The following EPB41L4A variants were observed in gnomAD, a reference collection of about 807,000 sequenced individuals.
The protein encoded by EPB41L4A is erythrocyte membrane protein band 4.1 like 4A.
Under a neutral mutation model 108.6 loss-of-function variants are expected in EPB41L4A, and 100 were observed. The ratio of observed to expected loss-of-function variants is 0.92; its 90% CI spans 0.78 to 1.09. The LOEUF (loss-of-function observed/expected upper bound fraction) is 1.09. Ranked by LOEUF, EPB41L4A falls within the 50% of genes least tolerant of loss-of-function variation. EPB41L4A has a pLI of 0.00. For missense variants in EPB41L4A, 1,030 were observed against 842.7 expected, an observed-to-expected ratio of 1.22 and a Z score of -2.75; for synonymous variants, 319 against 289.0, an observed-to-expected ratio of 1.10 and a Z score of -1.05.
intron 1 of EPB41L4A, among the ~76,000 whole-genome samples, chr5:112,328,618 T>A (rs1370900123): frequency 2.0e-5 from 3 of 152,240 alleles, no homozygotes; most frequent in Non-Finnish European, 4.4e-5. Context: ...TCAAGCTCAC[T>A]GATTTAAAAC....
At chr5:112,146,448 T>G (rs1000525751) in intron 12 of EPB41L4A, among the ~76,000 whole-genome samples, 2 of 152,206 alleles carry the variant, frequency 1.3e-5, no homozygotes, top group African/African-American at 4.8e-5. Context: ...GAGCAGAGGA[T>G]CTTCCAACGC....
rs773192789 is a variant in EPB41L4A at position 112,239,732 on chromosome 5, G to A, written c.893C>T (p.Pro298Leu). 3 of 1,605,388 alleles carry A rather than the reference G, an allele frequency of 1.9e-6. No homozygotes were observed. The highest frequency in any genetic ancestry group is 1.1e-5 in the South Asian group (1 of 90,024). ...SVEHHTFFRM[P>L]ENESNSLSRK... The stretch of plus-strand genomic sequence containing the variant: ...TGACAGTGAATTGGATTCATTTTCT[G>A]GCATTCTAATCAATTTTTAAAAGAA... The change falls in exon 11 of 23, where the codon CCA becomes CTA. Residue 298 changes from proline to leucine, a missense_variant. By Grantham distance (98) the Pro-to-Leu change is moderately conservative. Coordinates refer to ENST00000261486, the MANE Select transcript of EPB41L4A (RefSeq NM_022140.5).
chr5:112,185,874 C>T (rs1173026865), intron 17 of EPB41L4A, among the ~76,000 whole-genome samples: 1 of 152,056 alleles, frequency 6.6e-6, no homozygotes, highest in Non-Finnish European at 1.5e-5. Flanking sequence ...TTTTTGTAGC[C>T]AGAACCTACA....
chr5:112,361,420 C>A (rs1320424046), intron 1 of EPB41L4A, among the ~76,000 whole-genome samples: 1 of 151,988 alleles, frequency 6.6e-6, no homozygotes, highest in East Asian at 1.9e-4. Context: ...AAACCAGAGA[C>A]CTTTGTTCAC....
intron 12 of EPB41L4A, 70 bp from the exon 13 acceptor site, chr5:112,210,052 A>T (rs1762661574): frequency 1.0e-6 from 1 of 955,856 alleles, no homozygotes; most frequent in Middle Eastern, 2.3e-4. Context: ...GAAACAGAAG[A>T]CTTATTTTAA....
At chr5:112,319,159 G>A (rs1561567709) in intron 1 of EPB41L4A, among the ~76,000 whole-genome samples, 1 of 152,146 alleles carries the variant, frequency 6.6e-6, no homozygotes, top group Non-Finnish European at 1.5e-5. Context: ...ACCAAAAATG[G>A]AAACAGTGTT....
intron 12 of EPB41L4A, chr5:112,146,104 G>T (rs1759245601): frequency 5.2e-6 from 2 of 382,520 alleles, no homozygotes; most frequent in African/African-American, 4.2e-5. Context: ...ATCTGATAGG[G>T]TCTTACAGAA....
chr5:112,159,631 C>CAG (rs1429507532), downstream of EPB41L4A, among the ~76,000 whole-genome samples: 1 of 152,198 alleles, frequency 6.6e-6, no homozygotes, highest in East Asian at 1.9e-4. Flanking sequence ...TGGCCAAGGC[C>CAG]TGCTGTCTCC....
chr5:112,257,129 G>C (rs991722921), intron 9 of EPB41L4A: 4 of 152,088 alleles, frequency 2.6e-5, no homozygotes, highest in Non-Finnish European at 5.9e-5. Flanking sequence ...TTCAATTTGT[G>C]AGTACAGTTA....
chr5:112,400,883 T>G (rs1000616804), intron 1 of EPB41L4A, among the ~76,000 whole-genome samples: 4 of 152,168 alleles, frequency 2.6e-5, no homozygotes, highest in African/African-American at 9.7e-5. Flanking sequence ...ATATCTTGAG[T>G]GCAAGTACTG....
intron 12 of EPB41L4A, among the ~76,000 whole-genome samples, chr5:112,214,428 C>A (rs1248655213): frequency 6.6e-6 from 1 of 152,192 alleles, no homozygotes; most frequent in East Asian, 1.9e-4. Context: ...AACAGCTTAA[C>A]AAATAATCAT....
intron 12 of EPB41L4A, among the ~76,000 whole-genome samples, chr5:112,231,788 T>C (rs1394163787): frequency 4.0e-5 from 2 of 49,802 alleles, no homozygotes; most frequent in Admixed American, 3.6e-4. Context: ...CTAGACTCCG[T>C]CTCAAAAAAA....
At chr5:112,382,288 C>A (rs1169618281) in intron 1 of EPB41L4A, among the ~76,000 whole-genome samples, 6 of 151,590 alleles carry the variant, frequency 4.0e-5, no homozygotes, top group African/African-American at 1.5e-4. Context: ...TAAGTTCAGG[C>A]TCAAGAAAAA....
chr5:112,321,134 A>G (rs979884518), intron 1 of EPB41L4A, among the ~76,000 whole-genome samples: 1 of 152,192 alleles, frequency 6.6e-6, no homozygotes, highest in Non-Finnish European at 1.5e-5. Flanking sequence ...TGGAGAGGCA[A>G]TTCTAAAAGC....
chr5:112,176,075 C>G (rs1012946702), intron 18 of EPB41L4A, among the ~76,000 whole-genome samples: 1 of 152,134 alleles, frequency 6.6e-6, no homozygotes, highest in East Asian at 1.9e-4. Flanking sequence ...ACACAAATAC[C>G]TTGCAGTGTT....
chr5:112,148,873 C>CT (rs1298827533), intron 12 of EPB41L4A, among the ~76,000 whole-genome samples: 3 of 152,186 alleles, frequency 2.0e-5, no homozygotes, highest in Non-Finnish European at 4.4e-5. Context: ...GGGATATTTA[C>CT]TTTAAGACTA....
chr5:112,416,195 TG>T (rs1554114635), intron 1 of EPB41L4A, among the ~76,000 whole-genome samples: 1 of 152,146 alleles, frequency 6.6e-6, no homozygotes, highest in Non-Finnish European at 1.5e-5. Context: ...CTTTTCTATT[TG>T]TAATTTGGTG....
At chr5:112,396,562 C>T (rs923530884) in intron 1 of EPB41L4A, among the ~76,000 whole-genome samples, 3 of 152,218 alleles carry the variant, frequency 2.0e-5, no homozygotes, top group Admixed American at 6.5e-5. Flanking sequence ...GGCCCATGGT[C>T]TCTTGCGACG....
At chr5:112,338,524 G>T (rs762526882) in intron 1 of EPB41L4A, among the ~76,000 whole-genome samples, 5 of 152,082 alleles carry the variant, frequency 3.3e-5, no homozygotes, top group Admixed American at 6.5e-5. Context: ...AAACCATCAG[G>T]TATCCTATGA....
Sources: allele counts gnomAD v4.1 joint callset (sites outside exome capture counted in the v4.1 genomes callset), GRCh38; gene constraint gnomAD v4.1.1; transcripts MANE v1.5; gene names NCBI Gene and HGNC (gene_info 2026-07-23, HGNC 2026-07-21).